NFIB: variants seen among roughly 807,000 people sequenced by gnomAD.
The protein encoded by NFIB is nuclear factor 1 B-type.
Under a neutral mutation model 61.5 loss-of-function variants are expected in NFIB, and 11 were observed. The observed-to-expected ratio is 0.18, with a 90% CI of 0.11 to 0.30. NFIB has a LOEUF of 0.30. NFIB is among the 10% of genes least tolerant of loss of function. The pLI, the probability that NFIB is intolerant of heterozygous loss-of-function variation, is 1.00. For synonymous variants in NFIB, 260 were observed against 216.5 expected (o/e 1.20, Z -1.76); for missense variants, 471 against 608.9 (o/e 0.77, Z 2.38).
the NFIB span, among the ~76,000 whole-genome samples, chr9:14,438,323 G>C: frequency 1.3e-5 from 2 of 152,200 alleles, no homozygotes; most frequent in Non-Finnish European, 2.9e-5. Context: ...AACGCTGGGT[G>C]CTAAATAGTC....
intron 1 of NFIB, among the ~76,000 whole-genome samples, chr9:14,378,196 T>A (rs2061441799): frequency 6.6e-6 from 1 of 152,250 alleles, no homozygotes. Context: ...TGCTTCAGAA[T>A]GGTATTATAA....
chr9:14,439,484 T>C, the NFIB span, among the ~76,000 whole-genome samples: 1 of 152,212 alleles, frequency 6.6e-6, no homozygotes, highest in African/African-American at 2.4e-5. Flanking sequence ...ATTGTGAGGA[T>C]TGAATAAACA....
In NFIB at chr9:14,088,414, C is replaced by T. The variant is rs576380211; in HGVS notation, c.1468-88G>A. On this transcript the variant is annotated intron_variant, in intron 10 of 10. Transcript: ENST00000380953. Reference sequence around the variant, plus strand: ...TACAACAATATGAGAAATATAAATTCCAGATGCATCAAATTATTGCTATCC... The same window carrying T: ...TACAACAATATGAGAAATATAAATTTCAGATGCATCAAATTATTGCTATCC... 6.9e-5 allele frequency: 88 copies of T among 1,277,404 alleles called. No individual in the cohort carries two copies. The East Asian group carries it at 2.4e-3, about 35-fold the overall frequency. 79.1% of individuals were successfully genotyped at this position (1,277,404 alleles called of 1,614,324 possible).
intron 2 of NFIB, among the ~76,000 whole-genome samples, chr9:14,257,106 C>T (rs112432742): frequency 4.6e-5 from 7 of 152,306 alleles, no homozygotes; most frequent in Middle Eastern, 6.8e-3. Context: ...TGTCCTGGTT[C>T]TAAATCTGAC....
chr9:14,412,875 T>A, the NFIB span, among the ~76,000 whole-genome samples: 1 of 152,164 alleles, frequency 6.6e-6, no homozygotes, highest in Non-Finnish European at 1.5e-5. Context: ...GGCTAAAAGT[T>A]CAGTTACTTC....
intron 1 of NFIB, among the ~76,000 whole-genome samples, chr9:14,376,787 G>C (rs187561545): frequency 7.2e-4 from 109 of 152,014 alleles, no homozygotes; most frequent in South Asian, 1.2e-3. Context: ...CAAGGTGCTG[G>C]GATTACAGGC....
intron 2 of NFIB, among the ~76,000 whole-genome samples, chr9:14,214,694 A>G (rs191821169): frequency 6.6e-6 from 1 of 152,246 alleles, no homozygotes; most frequent in Non-Finnish European, 1.5e-5. Flanking sequence ...TTCATGGTCT[A>G]TAAATTTGTA....
rs370896712 is a variant in NFIB, at chr9:14,251,830, CAACTTTTATAAAG to C, written c.562+55146_562+55158del. On this transcript the variant is annotated intron_variant, in intron 2 of 10. Transcript: ENST00000380953. The stretch of plus-strand genomic sequence containing the variant: ...ACTTAGAGAACAAAACAAACAGGTC[CAACTTTTATAAAG>C]AACAAGCTGGAGAGGAAAACAACAG... 2.2e-3 allele frequency among the ~76,000 whole-genome samples: 328 copies of C among 152,286 alleles called. 1 individual carries two copies. The highest frequency in any genetic ancestry group is 3.7e-3 in the Non-Finnish European group (249 of 68,030).
chr9:14,352,651 G>A (rs985812242), intron 1 of NFIB, among the ~76,000 whole-genome samples: 6 of 152,180 alleles, frequency 3.9e-5, no homozygotes, highest in African/African-American at 1.4e-4. Flanking sequence ...CTGTTTCTAC[G>A]CTGTACTAGG....
intron 6 of NFIB, among the ~76,000 whole-genome samples, chr9:14,132,245 GAAGTA>G (rs1292031452): frequency 6.6e-6 from 1 of 152,080 alleles, no homozygotes; most frequent in East Asian, 1.9e-4. Context: ...GGTTAACAAA[GAAGTA>G]AATTCCTTCA....
intron 6 of NFIB, among the ~76,000 whole-genome samples, chr9:14,138,541 T>C (rs143833901): frequency 5.1e-4 from 78 of 152,008 alleles, no homozygotes; most frequent in Admixed American, 1.3e-3. Context: ...ATAATAGTAC[T>C]GTGATTATGT....
intron 2 of NFIB, chr9:14,305,926 C>T: frequency 8.0e-6 from 10 of 1,254,566 alleles, no homozygotes; most frequent in Non-Finnish European, 9.3e-6. Flanking sequence ...TTTTGGTATG[C>T]GGCTTTGTAA....
chr9:14,415,748 G>A, the NFIB span, among the ~76,000 whole-genome samples: 1 of 152,126 alleles, frequency 6.6e-6, no homozygotes, highest in East Asian at 1.9e-4. Context: ...TGGTGATGTC[G>A]GTGTCCAACA....
At chr9:14,354,518 T>C (rs2061152642) in intron 1 of NFIB, among the ~76,000 whole-genome samples, 1 of 152,216 alleles carries the variant, frequency 6.6e-6, no homozygotes, top group African/African-American at 2.4e-5. Context: ...TTTCTACAAA[T>C]AGGTACAAAG....
intron 2 of NFIB, among the ~76,000 whole-genome samples, chr9:14,220,956 A>C (rs2051593314): frequency 6.6e-6 from 1 of 151,086 alleles, no homozygotes; most frequent in Non-Finnish European, 1.5e-5. Context: ...ACTACGTTAT[A>C]TCCTACCTAC....
Position 14,394,902 on chromosome 9 carries a change from G to T in NFIB, c.108+3622C>A, listed in dbSNP as rs924181410. Among the ~76,000 whole-genome samples, 6 of 152,236 alleles carry T rather than the reference G, an allele frequency of 3.9e-5. No homozygotes were observed. In the East Asian group the frequency reaches 1.2e-3, roughly 29 times the overall value. ...AGATGTGTGTAAACTCTAAAGGGCT[G>T]TAAGAATATAATTAATTAGTTAATG... On this transcript the variant is annotated intron_variant, in intron 1 of 8. Transcript: ENST00000380934.
intron 1 of NFIB, among the ~76,000 whole-genome samples, chr9:14,333,251 T>C (rs1292033466): frequency 1.3e-5 from 2 of 152,238 alleles, no homozygotes; most frequent in Admixed American, 1.3e-4. Flanking sequence ...ATCTTGTCTC[T>C]TGTTTTACAG....
chr9:14,170,729 A>G (rs1443167485), intron 3 of NFIB, among the ~76,000 whole-genome samples: 4 of 152,184 alleles, frequency 2.6e-5, no homozygotes, highest in Non-Finnish European at 5.9e-5. Flanking sequence ...AACCTCACCT[A>G]GAGGAATTTA....
intron 3 of NFIB, among the ~76,000 whole-genome samples, chr9:14,176,386 A>G (rs2046197500): frequency 6.6e-6 from 1 of 152,142 alleles, no homozygotes; most frequent in Non-Finnish European, 1.5e-5. Flanking sequence ...CAAAATTGCA[A>G]TGCCATGTCC....
Sources: allele counts gnomAD v4.1 joint callset (sites outside exome capture counted in the v4.1 genomes callset), GRCh38; gene constraint gnomAD v4.1.1; transcripts MANE v1.5; gene names NCBI Gene and HGNC (gene_info 2026-07-23, HGNC 2026-07-21).